Variants in TRAF3 observed in about 807,000 individuals in gnomAD.
TRAF3 encodes TNF receptor-associated factor 3.
Under a neutral mutation model 62.3 loss-of-function variants are expected in TRAF3, and 13 were observed. The ratio of observed to expected loss-of-function variants is 0.21; its 90% CI spans 0.14 to 0.33. TRAF3 has a LOEUF of 0.33. TRAF3 is among the 10% of genes least tolerant of loss of function. The pLI, the probability that TRAF3 is intolerant of heterozygous loss-of-function variation, is 1.00. For missense variants in TRAF3, 440 were observed against 741.8 expected (o/e 0.59, Z 4.73); for synonymous variants, 269 against 283.4 (o/e 0.95, Z 0.51).
intron 2 of TRAF3, among the ~76,000 whole-genome samples, chr14:102,862,078 T>C (rs1318695930): frequency 6.6e-6 from 1 of 152,242 alleles, no homozygotes; most frequent in Admixed American, 6.5e-5. Flanking sequence ...ATCTAGTTTT[T>C]TATTTTGTTG....
At chr14:102,797,011 A>G (rs1339248667) in intron 1 of TRAF3, among the ~76,000 whole-genome samples, 3 of 152,252 alleles carry the variant, frequency 2.0e-5, no homozygotes, top group Non-Finnish European at 4.4e-5. Flanking sequence ...GGGGGTGACC[A>G]GCATAGGGGC....
chr14:102,848,285 T>G (rs751197113), intron 2 of TRAF3, among the ~76,000 whole-genome samples: 5 of 152,046 alleles, frequency 3.3e-5, no homozygotes, highest in Non-Finnish European at 5.9e-5. Context: ...AATAATTAAC[T>G]GGGGGTGGTG....
At chr14:102,779,953 C>T (rs1027432877) in intron 1 of TRAF3, among the ~76,000 whole-genome samples, 1 of 152,216 alleles carries the variant, frequency 6.6e-6, no homozygotes, top group African/African-American at 2.4e-5. Context: ...CCTTAGGGTC[C>T]ACTCCATGGA....
At chr14:102,824,735 T>A (rs976776056) in intron 1 of TRAF3, among the ~76,000 whole-genome samples, 2 of 152,224 alleles carry the variant, frequency 1.3e-5, no homozygotes, top group Non-Finnish European at 2.9e-5. Flanking sequence ...AATTACTAAT[T>A]TCATTACTAC....
In TRAF3 at chr14:102,903,848, G is replaced by T; in HGVS notation, c.1135+419G>T. 1 of 457,784 alleles carries T rather than the reference G, an allele frequency of 2.2e-6. No homozygotes were observed. Among genetic ancestry groups the T allele is most frequent in the Non-Finnish European group, 4.4e-6 (1 of 228,188 alleles). The allele number at this position is 457,784 out of a possible 1,614,324, so 28.4% of individuals were successfully genotyped here. A position where few individuals can be genotyped will look rare whatever the true frequency, so the allele number is the denominator to read the frequency against. On this transcript the variant is annotated intron_variant, in intron 11 of 11. Transcript: ENST00000392745. This position sits in a 1 kb window ranked among gnomAD's most constrained non-coding sequence, Gnocchi z 6.4. ...CACCGCGCTCTGCCAGCATGTTTCTGATCCACAAGCAGATGTGGGCCTATG... is the reference window on the plus strand; with the variant it reads ...CACCGCGCTCTGCCAGCATGTTTCTTATCCACAAGCAGATGTGGGCCTATG...
At chr14:102,900,507 A>C (rs1287387871) in intron 10 of TRAF3, among the ~76,000 whole-genome samples, 1 of 152,250 alleles carries the variant, frequency 6.6e-6, no homozygotes, top group African/African-American at 2.4e-5. Context: ...TCAAAGAAAA[A>C]AAAGAAGATA....
At chr14:102,863,519 G>A (rs949389327) in intron 2 of TRAF3, among the ~76,000 whole-genome samples, 12 of 152,258 alleles carry the variant, frequency 7.9e-5, no homozygotes, top group Admixed American at 7.8e-4. Flanking sequence ...CTGAGCATTC[G>A]CTGCCTGCTT....
At chr14:102,883,706 C>G (rs1889199679) in intron 6 of TRAF3, among the ~76,000 whole-genome samples, 1 of 152,186 alleles carries the variant, frequency 6.6e-6, no homozygotes, top group African/African-American at 2.4e-5. Context: ...CTGCCTCAGC[C>G]TCACGAGTAG....
At chr14:102,816,264 G>A (rs1175557437) in intron 1 of TRAF3, among the ~76,000 whole-genome samples, 2 of 151,624 alleles carry the variant, frequency 1.3e-5, no homozygotes, top group Non-Finnish European at 2.9e-5. Context: ...CACCACCCTC[G>A]CCTAATTTTT....
chr14:102,834,884 CA>C (rs549115284), intron 2 of TRAF3, among the ~76,000 whole-genome samples: 1 of 151,890 alleles, frequency 6.6e-6, no homozygotes, highest in African/African-American at 2.4e-5. Flanking sequence ...GCAACAAAAG[CA>C]AAAATTGACA....
intron 10 of TRAF3, among the ~76,000 whole-genome samples, chr14:102,898,455 G>A (rs1207444687): frequency 6.6e-6 from 1 of 152,242 alleles, no homozygotes; most frequent in Admixed American, 6.5e-5. Flanking sequence ...TCATCAGACT[G>A]GCCAAGGCGA....
intron 1 of TRAF3, among the ~76,000 whole-genome samples, chr14:102,790,291 C>T (rs759799564): frequency 1.3e-5 from 2 of 152,284 alleles, no homozygotes; most frequent in East Asian, 3.9e-4. Context: ...CCTATTGAAT[C>T]GTCTTGGCAC....
intron 2 of TRAF3, among the ~76,000 whole-genome samples, chr14:102,831,121 C>G (rs1471828584): frequency 6.6e-6 from 1 of 152,196 alleles, no homozygotes; most frequent in Non-Finnish European, 1.5e-5. Context: ...CCCTATTCTT[C>G]TCACATGGGA....
At chr14:102,787,520 A>G (rs1430620756) in intron 1 of TRAF3, among the ~76,000 whole-genome samples, 3 of 136,586 alleles carry the variant, frequency 2.2e-5, no homozygotes, top group Non-Finnish European at 4.8e-5. Flanking sequence ...CTACTAAACC[A>G]AAAAAAAAAA....
rs1890808899 is a variant in TRAF3, at chr14:102,910,460, G to C, written c.*4676G>C. ...CTCCAAAGTAGAATGTGCGCACCGG[G>C]GTCCTAGCCAGGCGAGGTCAGTGTC... is the stretch of plus-strand genomic sequence containing the variant. On this transcript the variant is annotated 3_prime_UTR_variant, in exon 12 of 12. Transcript: ENST00000392745. 1 of 152,264 alleles carries C rather than the reference G, an allele frequency of 6.6e-6. No homozygotes were observed. Among genetic ancestry groups the C allele is most frequent in the African/African-American group, 2.4e-5 (1 of 41,454 alleles). The allele number at this position is 152,264 out of a possible 1,614,324, so 9.4% of individuals were successfully genotyped here. A position where few individuals can be genotyped will look rare whatever the true frequency, so the allele number is the denominator to read the frequency against.
intron 6 of TRAF3, 55 bp downstream of exon 6, chr14:102,876,580 C>T (rs1595385445): frequency 1.9e-6 from 3 of 1,595,322 alleles, no homozygotes; most frequent in East Asian, 4.6e-5. Flanking sequence ...TGATACATTC[C>T]ACAGGCCTTC....
intron 9 of TRAF3, among the ~76,000 whole-genome samples, chr14:102,892,117 G>A (rs1210591627): frequency 6.7e-6 from 1 of 149,472 alleles, no homozygotes; most frequent in Non-Finnish European, 1.5e-5. Flanking sequence ...ATGCAGTGGT[G>A]CGATCTTGGC....
In TRAF3 at chr14:102,826,762, C is replaced by A. The variant is rs1286218864; in HGVS notation, c.-156-3572C>A. Reference sequence around the variant, plus strand: ...GCTCTGGACATAGGGTGGAAGAAAACCATCTGAGCAGAGGCCGCGTGGACT... The same window carrying A: ...GCTCTGGACATAGGGTGGAAGAAAAACATCTGAGCAGAGGCCGCGTGGACT... On this transcript the variant is annotated intron_variant, in intron 1 of 11. Transcript: ENST00000392745. This position sits in a 1 kb window ranked among gnomAD's most constrained non-coding sequence, Gnocchi z 4.6. Among the ~76,000 whole-genome samples, 1 of 152,160 alleles carries A rather than the reference C, an allele frequency of 6.6e-6. No individual in the cohort carries two copies. The highest frequency in any genetic ancestry group is 2.4e-5 in the African/African-American group (1 of 41,424).
At chr14:102,876,561 A>G (rs768290812) in intron 6 of TRAF3, 36 bp downstream of exon 6, 5 of 1,607,352 alleles carry the variant, frequency 3.1e-6, no homozygotes, top group South Asian at 1.1e-5. Context: ...CTTCCACTCA[A>G]TTCCTATATG....
Sources: gnomAD v4.1 joint callset for allele counts (sites outside exome capture counted in the v4.1 genomes callset) on GRCh38, gnomAD v4.1.1 for gene constraint, Gnocchi (gnomAD v3.1) non-coding constraint, MANE v1.5 for transcripts, NCBI Gene and HGNC (gene_info 2026-07-23, HGNC 2026-07-21) for gene names.